MEMO1: variants seen among roughly 807,000 people sequenced by gnomAD.
MEMO1 encodes the protein mediator of cell motility 1.
In MEMO1, 6 loss-of-function variants were observed where a neutral mutation model predicts 45.2. That is an observed-to-expected ratio of 0.13 (90% CI 0.07 to 0.26). The LOEUF is 0.26. Ranked by LOEUF, MEMO1 falls within the 10% of genes least tolerant of loss-of-function variation. The pLI, the probability that MEMO1 is intolerant of heterozygous loss-of-function variation, is 1.00. For synonymous variants in MEMO1, 78 were observed against 124.3 expected (o/e 0.63, Z 2.48); for missense variants, 184 against 370.5 (o/e 0.50, Z 4.13).
rs1572584538 is a variant in MEMO1 at position 31,891,304 on chromosome 2, A to G, written c.580+688T>C. ...TCTGGGACAGTAATGGATAAAGGAAAGCAAACTGCATCCAAAGACTGTAGA... is the reference window on the plus strand; with the variant it reads ...TCTGGGACAGTAATGGATAAAGGAAGGCAAACTGCATCCAAAGACTGTAGA... On this transcript the variant is annotated intron_variant, in intron 7 of 9. Transcript: ENST00000404530. Among the ~76,000 whole-genome samples, 6 of 152,326 alleles carry G rather than the reference A, an allele frequency of 3.9e-5. No homozygotes were observed. The South Asian group carries it at 1.2e-3, about 32-fold the overall frequency.
At chr2:31,941,028 C>G (rs1046887313) in intron 3 of MEMO1, among the ~76,000 whole-genome samples, 1 of 152,218 alleles carries the variant, frequency 6.6e-6, no homozygotes, top group Non-Finnish European at 1.5e-5. Flanking sequence ...AATATCCATA[C>G]AGCAGCAAGA....
chr2:31,951,517 GT>G lies in MEMO1; in HGVS notation c.62-8135del, dbSNP rs201608134. Among the ~76,000 whole-genome samples the G allele has an allele frequency of 6.4e-3, 884 of 138,962 alleles. 2 individuals are homozygous for G. The highest frequency in any genetic ancestry group is 9.4e-3 in the African/African-American group (357 of 38,096). 91.2% of individuals were successfully genotyped at this position (138,962 alleles called of 152,430 possible). ...ACCAACTACAAAATCTCACTTAATG[GT>G]TTTTTTTTTTTTTTATCTTTTTATT... On this transcript the variant is annotated intron_variant, in intron 2 of 9. Coordinates refer to ENST00000404530, the MANE Select transcript of MEMO1 (RefSeq NM_001301833.4).
chr2:31,917,559 A>G (rs563312729), intron 6 of MEMO1, among the ~76,000 whole-genome samples: 25 of 152,336 alleles, frequency 1.6e-4, no homozygotes, highest in African/African-American at 5.8e-4. Context: ...ATTAAATACA[A>G]GCCTAAAATT....
intron 6 of MEMO1, among the ~76,000 whole-genome samples, chr2:31,906,848 C>T (rs1002687526): frequency 6.6e-6 from 1 of 152,152 alleles, no homozygotes; most frequent in Admixed American, 6.5e-5. Context: ...GGTGGTGTTA[C>T]GTATGTGTGA....
At chr2:31,881,990 C>A (rs1307337355) in intron 8 of MEMO1, among the ~76,000 whole-genome samples, 54 of 151,892 alleles carry the variant, frequency 3.6e-4, no homozygotes. Context: ...ACAAAAAATA[C>A]AAAAATTAGA....
intron 2 of MEMO1, among the ~76,000 whole-genome samples, chr2:31,980,659 CT>C (rs1412886516): frequency 1.2e-4 from 19 of 152,208 alleles, no homozygotes; most frequent in Admixed American, 9.2e-4. Context: ...ACATTTTTCA[CT>C]GTATTTCAGC....
At chr2:31,948,040 T>C (rs904448535) in intron 2 of MEMO1, among the ~76,000 whole-genome samples, 4 of 152,226 alleles carry the variant, frequency 2.6e-5, no homozygotes, top group Non-Finnish European at 5.9e-5. Flanking sequence ...CCTACAGTTA[T>C]ACAGTAGGAC....
intron 4 of MEMO1, among the ~76,000 whole-genome samples, chr2:31,930,517 A>C (rs1486611170): frequency 6.6e-6 from 1 of 152,206 alleles, no homozygotes; most frequent in Non-Finnish European, 1.5e-5. Flanking sequence ...GTGTCCCATC[A>C]GCACAGGAGT....
chr2:31,990,878 G>T (rs997325701), intron 2 of MEMO1, among the ~76,000 whole-genome samples: 8 of 152,028 alleles, frequency 5.3e-5, no homozygotes, highest in Non-Finnish European at 8.8e-5. Flanking sequence ...ATTTCGCTGA[G>T]ACTAGCAAGA....
chr2:31,881,926 C>G (rs986656128), intron 8 of MEMO1, among the ~76,000 whole-genome samples: 1 of 152,178 alleles, frequency 6.6e-6, no homozygotes, highest in Admixed American at 6.5e-5. Context: ...TGGCAGATCA[C>G]TTCTGCTCAG....
intron 2 of MEMO1, among the ~76,000 whole-genome samples, chr2:31,959,349 G>C (rs909142723): frequency 6.6e-6 from 1 of 152,130 alleles, no homozygotes; most frequent in Admixed American, 6.5e-5. Flanking sequence ...TACTTGGGCA[G>C]AGAAGTAAGA....
intron 6 of MEMO1, among the ~76,000 whole-genome samples, chr2:31,907,820 C>CACACAT (rs397837904): frequency 6.7e-6 from 1 of 149,198 alleles, no homozygotes; most frequent in Non-Finnish European, 1.5e-5. Flanking sequence ...CACACACACA[C>CACACAT]ATACACACAA....
intron 6 of MEMO1, among the ~76,000 whole-genome samples, chr2:31,893,803 C>T (rs1260388472): frequency 6.6e-6 from 1 of 152,164 alleles, no homozygotes; most frequent in Non-Finnish European, 1.5e-5. Context: ...TGTCTACTCT[C>T]CACAAGAGCC....
At chr2:31,871,400 T>C (rs899048520) in intron 8 of MEMO1, among the ~76,000 whole-genome samples, 4 of 152,130 alleles carry the variant, frequency 2.6e-5, no homozygotes, top group East Asian at 1.9e-4. Flanking sequence ...GTGGGTAACA[T>C]AGAAATTTTA....
intron 6 of MEMO1, among the ~76,000 whole-genome samples, chr2:31,901,374 C>CA (rs70964738): frequency 0.067 from 1,531 of 22,684 alleles, 272 homozygotes; most frequent in African/African-American, 0.11. Context: ...CTCTGTCTCA[C>CA]AAAAAAAAAA....
intron 7 of MEMO1, among the ~76,000 whole-genome samples, chr2:31,891,245 G>C (rs1676932764): frequency 6.6e-6 from 1 of 152,266 alleles, no homozygotes; most frequent in African/African-American, 2.4e-5. Flanking sequence ...ATAGGTCAAA[G>C]AGATGTCCTA....
At chr2:31,907,666 A>G (rs1238726474) in intron 6 of MEMO1, among the ~76,000 whole-genome samples, 1 of 152,064 alleles carries the variant, frequency 6.6e-6, no homozygotes, top group Non-Finnish European at 1.5e-5. Flanking sequence ...GGTGTTGTGC[A>G]TCTGTGTTCC....
chr2:31,887,624 AG>A (rs1261421405), intron 7 of MEMO1, among the ~76,000 whole-genome samples: 2 of 152,166 alleles, frequency 1.3e-5, no homozygotes, highest in African/African-American at 4.8e-5. Context: ...GCATCAAATA[AG>A]GTAATCTCTT....
intron 2 of MEMO1, among the ~76,000 whole-genome samples, chr2:31,953,747 G>A (rs1226799037): frequency 6.6e-6 from 1 of 151,988 alleles, no homozygotes; most frequent in Non-Finnish European, 1.5e-5. Flanking sequence ...GTGAGCCACC[G>A]TGCCCAGCCC....
Sources: gnomAD v4.1 joint callset for allele counts (sites outside exome capture counted in the v4.1 genomes callset) on GRCh38, gnomAD v4.1.1 for gene constraint, MANE v1.5 for transcripts, NCBI Gene and HGNC (gene_info 2026-07-23, HGNC 2026-07-21) for gene names.